The following MECR variants were observed in gnomAD, a reference collection of about 807,000 sequenced individuals.
MECR encodes enoyl-[acyl-carrier-protein] reductase, mitochondrial.
MECR carries 37 observed loss-of-function variants against 49.1 expected under a neutral mutation model. The observed-to-expected ratio is 0.75, with a 90% CI of 0.58 to 0.99. The LOEUF is 0.99. Among genes scored for constraint, MECR ranks in the 50% least tolerant of loss-of-function variants. The pLI, the probability that MECR is intolerant of heterozygous loss-of-function variation, is 0.00. For missense variants in MECR, 470 were observed against 479.6 expected (o/e 0.98, Z 0.19); for synonymous variants, 198 against 191.1 (o/e 1.04, Z -0.30).
chr1:29,199,533 C>T (rs1213253872), intron 7 of MECR, among the ~76,000 whole-genome samples: 1 of 151,998 alleles, frequency 6.6e-6, no homozygotes, highest in Non-Finnish European at 1.5e-5. Context: ...GGCCTAGAAG[C>T]TTATATTAAG....
At chr1:29,177,681 T>C in the MECR span, among the ~76,000 whole-genome samples, 34 of 152,218 alleles carry the variant, frequency 2.2e-4, no homozygotes, top group Non-Finnish European at 4.1e-4. Context: ...TTCGTTGTAT[T>C]TGTGGTCCCA....
At chr1:29,185,710 C>T in the MECR span, among the ~76,000 whole-genome samples, 61 of 152,264 alleles carry the variant, frequency 4.0e-4, no homozygotes, top group Non-Finnish European at 7.2e-4. Flanking sequence ...CCACCTTGCC[C>T]GGCCATAATC....
chr1:29,179,337 C>A, the MECR span, among the ~76,000 whole-genome samples: 1 of 152,046 alleles, frequency 6.6e-6, no homozygotes, highest in South Asian at 2.1e-4. Flanking sequence ...TTTCCCTATT[C>A]ATCAAAAAGC....
At chr1:29,211,586 T>G (rs879261412) in intron 3 of MECR, among the ~76,000 whole-genome samples, 5 of 152,244 alleles carry the variant, frequency 3.3e-5, no homozygotes, top group Non-Finnish European at 7.3e-5. Context: ...ATATTCTCAG[T>G]TGAGTACTGC....
intron 7 of MECR, among the ~76,000 whole-genome samples, chr1:29,198,501 AG>A (rs1465706965): frequency 6.6e-6 from 1 of 152,210 alleles, no homozygotes; most frequent in Non-Finnish European, 1.5e-5. Flanking sequence ...GGTCTGCCGC[AG>A]GGGTTGTCTG....
chr1:29,189,507 C>T (rs1409472943), downstream of MECR, among the ~76,000 whole-genome samples: 1 of 152,248 alleles, frequency 6.6e-6, no homozygotes, highest in African/African-American at 2.4e-5. Flanking sequence ...GCCGCTGTGC[C>T]CGGACCGTCT....
At chr1:29,217,732 A>T (rs568637472) in intron 1 of MECR, among the ~76,000 whole-genome samples, 2 of 152,204 alleles carry the variant, frequency 1.3e-5, no homozygotes, top group Non-Finnish European at 2.9e-5. Flanking sequence ...GCTAGCTGAC[A>T]TGTCCTCCAC....
chr1:29,199,050 G>A (rs547529571), intron 7 of MECR, among the ~76,000 whole-genome samples: 8 of 152,296 alleles, frequency 5.3e-5, no homozygotes, highest in South Asian at 2.1e-4. Flanking sequence ...CTCTGGCCAC[G>A]TGACTCACCT....
chr1:29,176,489 T>TAA, the MECR span, among the ~76,000 whole-genome samples: 4 of 137,558 alleles, frequency 2.9e-5, no homozygotes, highest in South Asian at 2.3e-4. Flanking sequence ...CTAAAAACTT[T>TAA]AAAAAAAAAA....
At position 29,230,744 on chromosome 1, in the gene MECR, C is replaced by T. The variant is rs866785367; in HGVS notation, c.163G>A (p.Ala55Thr). The T allele has an allele frequency of 2.5e-6, 4 of 1,584,090 alleles. No homozygotes were observed. Among genetic ancestry groups the T allele is most frequent in the Non-Finnish European group, 3.4e-6 (4 of 1,165,258 alleles). The change falls in exon 1 of 10, where the codon GCC becomes ACC. Residue 55 changes from alanine to threonine, a missense_variant. Coordinates refer to ENST00000263702, the MANE Select transcript of MECR (RefSeq NM_016011.5). The stretch of plus-strand genomic sequence containing the variant: ...GCCGTCTCTTACTCGACGACCTTGG[C>T]TGGATCCCCGTGGTGCCCATAGACA... ...ALVYGHHGDPAKVVELKNLEL... is the reference protein window; with the variant it reads ...ALVYGHHGDPTKVVELKNLEL...
At chr1:29,206,927 G>C (rs549621807) in intron 3 of MECR, 22 bp from the exon 4 acceptor site, 2 of 1,613,474 alleles carry the variant, frequency 1.2e-6, no homozygotes, top group East Asian at 2.2e-5. Context: ...GATGAAGCCA[G>C]GATCATAAGG....
chr1:29,198,207 C>T (rs564116467), intron 7 of MECR, among the ~76,000 whole-genome samples: 35 of 152,342 alleles, frequency 2.3e-4, no homozygotes, highest in African/African-American at 8.4e-4. Context: ...ACCCACCGCT[C>T]ACCTCCTGCT....
At chr1:29,207,260 C>T (rs768065819) in intron 3 of MECR, among the ~76,000 whole-genome samples, 2 of 152,114 alleles carry the variant, frequency 1.3e-5, no homozygotes, top group Non-Finnish European at 2.9e-5. Flanking sequence ...GCTGGGATTA[C>T]AGGCATGCAC....
At position 29,215,941 on chromosome 1, in the gene MECR, C is replaced by A. The variant is rs186376204; in HGVS notation, c.406+64G>T. 2.4e-4 allele frequency: 390 copies of A among 1,595,430 alleles called. 1 individual carries two copies. Among genetic ancestry groups the A allele is most frequent in the South Asian group, 8.7e-4 (77 of 88,416 alleles). On this transcript the variant is annotated intron_variant, in intron 3 of 9. Coordinates refer to ENST00000263702, the MANE Select transcript of MECR (RefSeq NM_016011.5). ...GTACACTCGGCCAATCAGTGGATGC[C>A]GACAGAGTGGGTGAAATAGGATCTG...
At chr1:29,187,238 G>A in the MECR span, among the ~76,000 whole-genome samples, 1 of 152,108 alleles carries the variant, frequency 6.6e-6, no homozygotes, top group Non-Finnish European at 1.5e-5. Flanking sequence ...TTTTGAGACC[G>A]AGTCTCACTC....
At position 29,216,447 on chromosome 1, in the gene MECR, GAC is replaced by G. The variant is rs1439779960; in HGVS notation, c.274+139_274+140del. 5.4e-6 allele frequency: 5 copies of G among 917,936 alleles called. No homozygotes were observed. The African/African-American group carries it at 8.2e-5, about 15-fold the overall frequency. The allele number at this position is 917,936 out of a possible 1,614,324, so 56.9% of individuals were successfully genotyped here. A position where few individuals can be genotyped will look rare whatever the true frequency, so the allele number is the denominator to read the frequency against. On this transcript the variant is annotated intron_variant, in intron 2 of 9. Transcript: ENST00000263702. ...CAGAAAAGGGAGGCCAGACAGGGCT[GAC>G]ACAGCCTGCAGACGGCTCATCTGGA...
chr1:29,230,662 G>C lies in MECR; in HGVS notation c.176+69C>G, dbSNP rs528455290. ...CTCGGACCCTGTCCCTCTCTTCCCA[G>C]TCCGCAGCTCGTGTTAAAGCCTTCC... On this transcript the variant is annotated intron_variant, in intron 1 of 9. Coordinates refer to ENST00000263702, the MANE Select transcript of MECR (RefSeq NM_016011.5). 166 of 1,518,924 alleles carry C rather than the reference G, an allele frequency of 1.1e-4. 1 individual carries two copies. In the South Asian group the frequency reaches 2.0e-3, roughly 18 times the overall value. 94.1% of individuals were successfully genotyped at this position (1,518,924 alleles called of 1,614,324 possible). A position where few individuals can be genotyped will look rare whatever the true frequency, so the allele number is the denominator to read the frequency against.
intron 4 of MECR, among the ~76,000 whole-genome samples, chr1:29,205,197 G>C (rs963888061): frequency 2.1e-5 from 3 of 144,190 alleles, no homozygotes; most frequent in Non-Finnish European, 4.7e-5. Context: ...GTTTTGTTTT[G>C]TTTTTGAGAT....
Position 29,208,398 on chromosome 1 carries a change from GTT to G in MECR, c.407-1495_407-1494del, listed in dbSNP as rs200467966. 1.2e-3 allele frequency among the ~76,000 whole-genome samples: 189 copies of G among 152,340 alleles called. No individual in the cohort carries two copies. In the East Asian group the frequency reaches 0.024, roughly 19 times the overall value. ...AGTTTGAGAAAATTCCTGTCACTGAGTTTTAGTTACTCTAATGTGTAAATAGC... is the reference window on the plus strand; with the variant it reads ...AGTTTGAGAAAATTCCTGTCACTGAGTTAGTTACTCTAATGTGTAAATAGC... On this transcript the variant is annotated intron_variant, in intron 3 of 9. Coordinates refer to ENST00000263702, the MANE Select transcript of MECR (RefSeq NM_016011.5).
Sources: gnomAD v4.1 joint callset for allele counts (sites outside exome capture counted in the v4.1 genomes callset) on GRCh38, gnomAD v4.1.1 for gene constraint, MANE v1.5 for transcripts, NCBI Gene and HGNC (gene_info 2026-07-23, HGNC 2026-07-21) for gene names.